Variants in USH1C observed in about 807,000 individuals in gnomAD.
USH1C encodes harmonin.
In USH1C, 90 loss-of-function variants were observed where a neutral mutation model predicts 119.3. That is an observed-to-expected ratio of 0.75 (90% CI 0.64 to 0.90). The LOEUF (loss-of-function observed/expected upper bound fraction) is 0.90. Ranked by LOEUF, USH1C falls within the 40% of genes least tolerant of loss-of-function variation. The pLI is 0.00. For synonymous variants in USH1C, 465 were observed against 443.3 expected, an observed-to-expected ratio of 1.05 and a Z score of -0.62; for missense variants, 1,165 against 1,167.7, an observed-to-expected ratio of 1.00 and a Z score of 0.03.
rs752013706 is a variant in USH1C at position 17,495,618 on chromosome 11, T to C, written c.2606A>G (p.Asp869Gly). ...SPQPVRKLLE[D>G]RAAVHRHGFL... ...CCCGTGTCTGTGCACGGCAGCACGG[T>C]CTTCAAGGAGCTTTCGGACCGGTTG... is the stretch of plus-strand genomic sequence containing the variant. Residue 869 changes from aspartate to glycine, a missense_variant, in exon 26 of 27, where the codon GAC (aspartate) becomes GGC (glycine). Asp to Gly is a moderately conservative substitution (Grantham distance 94). Coordinates refer to ENST00000005226, the MANE Select transcript of USH1C (RefSeq NM_153676.4). 6.2e-7 allele frequency: 1 copy of C among 1,614,098 alleles called. No homozygotes were observed. Among genetic ancestry groups the C allele is most frequent in the South Asian group, 1.1e-5 (1 of 91,078 alleles).
rs774739025 is a variant in USH1C, at chr11:17,516,232, C to T, written c.1260+9G>A. ...CAGCACACCAGCACAGCACCCAACC[C>T]TGTCCTACCTTCCGGATGGTTGGGA... On this transcript the variant is annotated intron_variant, in intron 15 of 26. Coordinates refer to ENST00000005226, the MANE Select transcript of USH1C (RefSeq NM_153676.4). 2 of 1,613,640 alleles carry T rather than the reference C, an allele frequency of 1.2e-6. No homozygotes were observed. Among genetic ancestry groups the T allele is most frequent in the African/African-American group, 1.3e-5 (1 of 74,926 alleles).
intron 1 of USH1C, chr11:17,533,765 G>C (rs944335472): frequency 4.4e-6 from 2 of 459,636 alleles, no homozygotes; most frequent in African/African-American, 4.0e-5. Flanking sequence ...GAAGGATTTG[G>C]GCCACTCGCT....
chr11:17,505,896 G>T lies in USH1C; in HGVS notation c.2067C>A (p.Ser689=). The T allele has an allele frequency of 6.2e-7, 1 of 1,614,210 alleles. No individual in the cohort carries two copies. Among genetic ancestry groups the T allele is most frequent in the Non-Finnish European group, 8.5e-7 (1 of 1,180,042 alleles). ...PPRGPGVSTI[S]KPVMVHQEPN... is the part of the protein sequence containing the mutation. ...GCTCCTGGTGGACCATGACAGGTTT[G>T]GAGATGGTGGACACGCCAGGGCCTC... is the stretch of plus-strand genomic sequence containing the variant. Residue 689 remains serine, a synonymous_variant, in exon 19 of 27, where the codon TCC becomes TCA. Transcript: ENST00000005226.
At chr11:17,510,561 G>A in intron 16 of USH1C, 40 bp from the exon 17 acceptor site, 2 of 1,449,596 alleles carry the variant, frequency 1.4e-6, no homozygotes, top group South Asian at 1.1e-5. Context: ...AGGACAAAGG[G>A]CACATTTGAA....
At chr11:17,535,357 C>T (rs146806104) in intron 1 of USH1C, among the ~76,000 whole-genome samples, 118 of 152,070 alleles carry the variant, frequency 7.8e-4, no homozygotes, top group Middle Eastern at 3.4e-3. Context: ...ACTGCTTCCC[C>T]CACTTCCCTG....
intron 1 of USH1C, among the ~76,000 whole-genome samples, chr11:17,536,232 T>C (rs1014276872): frequency 2.0e-5 from 3 of 152,182 alleles, no homozygotes; most frequent in Non-Finnish European, 1.5e-5. Context: ...GTTATAACCC[T>C]GGGTGGTGAC....
At chr11:17,534,074 C>T (rs530963550) in intron 1 of USH1C, among the ~76,000 whole-genome samples, 33 of 152,352 alleles carry the variant, frequency 2.2e-4, no homozygotes, top group African/African-American at 7.7e-4. Context: ...CCCTGAGTTA[C>T]CTCAGTGTGA....
chr11:17,511,308 C>T (rs1364837846), intron 16 of USH1C, among the ~76,000 whole-genome samples: 5 of 150,018 alleles, frequency 3.3e-5, no homozygotes, highest in African/African-American at 4.9e-5. Context: ...TAGCCTCAGA[C>T]CCATATTCTC....
At chr11:17,495,053 A>G (rs999651008) in intron 26 of USH1C, 1 of 221,466 alleles carries the variant, frequency 4.5e-6, no homozygotes, top group Admixed American at 5.2e-5. Flanking sequence ...CCAGCCTTCA[A>G]AACCTCTTAA....
chr11:17,496,834 A>G (rs1453481475), intron 24 of USH1C, 21 bp from the exon 25 acceptor site: 1 of 1,613,806 alleles, frequency 6.2e-7, no homozygotes. Context: ...AAGCCGTGTG[A>G]CTCTGGGGCA....
chr11:17,504,570 A>C, intron 20 of USH1C, 77 bp downstream of exon 20: 1 of 1,523,422 alleles, frequency 6.6e-7, no homozygotes, highest in Non-Finnish European at 9.1e-7. Context: ...GTACTCCCAG[A>C]GAGAAAGAAG....
At chr11:17,542,145 G>A (rs746465944) in intron 1 of USH1C, among the ~76,000 whole-genome samples, 19 of 152,252 alleles carry the variant, frequency 1.2e-4, no homozygotes, top group Non-Finnish European at 2.9e-5. Context: ...GAGGCACAGA[G>A]AGATTAAGTA....
In USH1C at chr11:17,506,935, T is replaced by G. The variant is rs117331915; in HGVS notation, c.2014-986A>C. On this transcript the variant is annotated intron_variant, in intron 18 of 26. Coordinates refer to ENST00000005226, the MANE Select transcript of USH1C (RefSeq NM_153676.4). ...CCCTGCATAGTGCCTTGGCATATAG[T>G]AGGTGCTCAATAAGCATGTGTTGAA... 1.2e-4 allele frequency among the ~76,000 whole-genome samples: 19 copies of G among 152,292 alleles called. No individual in the cohort carries two copies. In the East Asian group the frequency reaches 3.1e-3, roughly 25 times the overall value.
intron 26 of USH1C, chr11:17,495,174 G>A (rs1168281083): frequency 2.0e-5 from 6 of 302,930 alleles, no homozygotes; most frequent in South Asian, 3.6e-5. Flanking sequence ...TCTCTTGGGG[G>A]CAATTCCAGC....
chr11:17,525,673 G>T (rs1850636463), intron 8 of USH1C, among the ~76,000 whole-genome samples: 1 of 152,208 alleles, frequency 6.6e-6, no homozygotes, highest in African/African-American at 2.4e-5. Context: ...TGTCTGTTCG[G>T]AATTCCCTGT....
rs1849168518 is a variant in USH1C at position 17,494,371 on chromosome 11, A to G, written c.2661T>C (p.Leu887=). Residue 887 remains leucine (L), a synonymous_variant, in exon 27 of 27, where the codon CTT becomes CTC. Coordinates refer to ENST00000005226, the MANE Select transcript of USH1C (RefSeq NM_153676.4). ...GFLLQLEPTD[L]LLKSKRGNQI... The stretch of plus-strand genomic sequence containing the variant: ...GGTTTCCCCTTTTGGACTTCAGAAG[A>G]AGGTCCTGCAGGGAAGTGGAAACAG... The G allele has an allele frequency of 6.3e-7, 1 of 1,599,998 alleles. No individual in the cohort carries two copies. Among genetic ancestry groups the G allele is most frequent in the Non-Finnish European group, 8.5e-7 (1 of 1,172,732 alleles).
chr11:17,534,509 T>C (rs1201294820), intron 1 of USH1C, among the ~76,000 whole-genome samples: 1 of 152,174 alleles, frequency 6.6e-6, no homozygotes, highest in Non-Finnish European at 1.5e-5. Context: ...GCTTGGGCTT[T>C]AGTTGCTACA....
intron 7 of USH1C, 53 bp downstream of exon 7, chr11:17,526,700 C>T: frequency 6.3e-7 from 1 of 1,582,700 alleles, no homozygotes; most frequent in Non-Finnish European, 8.7e-7. Flanking sequence ...ACCGGCCACC[C>T]CTCCTTGAAG....
intron 1 of USH1C, among the ~76,000 whole-genome samples, chr11:17,540,043 G>T (rs1440353154): frequency 3.3e-5 from 5 of 151,876 alleles, no homozygotes; most frequent in Non-Finnish European, 7.4e-5. Flanking sequence ...TGTTGCCCAG[G>T]CTGGTCTCAA....
Sources: allele counts gnomAD v4.1 joint callset (sites outside exome capture counted in the v4.1 genomes callset), GRCh38; gene constraint gnomAD v4.1.1; transcripts MANE v1.5; gene names NCBI Gene and HGNC (gene_info 2026-07-23, HGNC 2026-07-21).